The following PRKAG2 variants were observed in gnomAD, a reference collection of about 807,000 sequenced individuals.
PRKAG2 encodes protein kinase AMP-activated non-catalytic subunit gamma 2.
Under a neutral mutation model 69.6 loss-of-function variants are expected in PRKAG2, and 26 were observed. The observed-to-expected ratio is 0.37, with a 90% CI of 0.27 to 0.52. The LOEUF (loss-of-function observed/expected upper bound fraction) is 0.52, where lower values mean the gene tolerates loss of function less well. Ranked by LOEUF, PRKAG2 falls within the 20% of genes least tolerant of loss-of-function variation. The pLI is 0.90. For missense variants in PRKAG2, 557 were observed against 740.0 expected (o/e 0.75, Z 2.87); for synonymous variants, 293 against 285.0 (o/e 1.03, Z -0.28).
At chr7:151,561,391 CAG>C (rs1804911095) in intron 14 of PRKAG2, among the ~76,000 whole-genome samples, 1 of 152,176 alleles carries the variant, frequency 6.6e-6, no homozygotes, top group South Asian at 2.1e-4. Context: ...CAGATGATGA[CAG>C]AAACGAAGAA....
chr7:151,706,524 C>A (rs944251523), intron 3 of PRKAG2, among the ~76,000 whole-genome samples: 32 of 149,468 alleles, frequency 2.1e-4, no homozygotes, highest in African/African-American at 7.9e-4. Flanking sequence ...ACACCGAGAT[C>A]TCCCACCACG....
chr7:151,787,693 C>CAA (rs111605341), intron 1 of PRKAG2, among the ~76,000 whole-genome samples: 6 of 151,796 alleles, frequency 4.0e-5, no homozygotes, highest in African/African-American at 1.5e-4. Context: ...CCCTTCCCAC[C>CAA]AAAAAAAATC....
chr7:151,807,726 C>T lies in PRKAG2; in HGVS notation c.115-21185G>A. On this transcript the variant is annotated intron_variant, in intron 1 of 15. Transcript: ENST00000287878. The surrounding 1 kb of genome is among the most constrained non-coding windows in gnomAD (Gnocchi z 4.4). The stretch of plus-strand genomic sequence containing the variant: ...CCTCACTTGGGTCAAGGCAGCATTT[C>T]AGAGGAAGCCAGGAGCGAGAACTCG... The T allele has an allele frequency of 7.5e-6, 3 of 400,360 alleles. No homozygotes were observed. The highest frequency in any genetic ancestry group is 5.5e-5 in the South Asian group (3 of 55,018). 24.8% of individuals were successfully genotyped at this position (400,360 alleles called of 1,614,324 possible).
chr7:151,835,867 C>T lies in PRKAG2; in HGVS notation c.114+40640G>A, dbSNP rs1477138150. 2.0e-5 allele frequency among the ~76,000 whole-genome samples: 3 copies of T among 152,174 alleles called. No homozygotes were observed. The highest frequency in any genetic ancestry group is 4.4e-5 in the Non-Finnish European group (3 of 68,036). ...CTCACCGTGATGAAAGTGCATCTGTCCCACAAAGGGCAGCCTTTCCGTATT... is the reference window on the plus strand; with the variant it reads ...CTCACCGTGATGAAAGTGCATCTGTTCCACAAAGGGCAGCCTTTCCGTATT... On this transcript the variant is annotated intron_variant, in intron 1 of 15. Transcript: ENST00000287878. The surrounding 1 kb of genome is among the most constrained non-coding windows in gnomAD (Gnocchi z 4.1).
intron 3 of PRKAG2, among the ~76,000 whole-genome samples, chr7:151,759,264 C>T (rs2075280529): frequency 1.3e-5 from 2 of 152,194 alleles, no homozygotes; most frequent in Admixed American, 1.3e-4. Flanking sequence ...TCCCTGGCTC[C>T]ATCTCACCAC....
At chr7:151,665,635 G>A (rs1178926622) in intron 4 of PRKAG2, among the ~76,000 whole-genome samples, 1 of 152,114 alleles carries the variant, frequency 6.6e-6, no homozygotes, top group Non-Finnish European at 1.5e-5. Context: ...CCTACTCCTT[G>A]ACCCAATGTG....
intron 8 of PRKAG2, among the ~76,000 whole-genome samples, chr7:151,573,370 G>A (rs1470856661): frequency 1.1e-5 from 1 of 92,286 alleles, no homozygotes; most frequent in South Asian, 4.0e-4. Flanking sequence ...TTGTAGAGAT[G>A]GGGTTTCACC....
chr7:151,802,198 G>T (rs368288798), intron 1 of PRKAG2, among the ~76,000 whole-genome samples: 20 of 152,202 alleles, frequency 1.3e-4, no homozygotes, highest in Non-Finnish European at 2.5e-4. Flanking sequence ...TCCCCTTTGT[G>T]TAGTTTGTCC....
rs1056920070 is a variant in PRKAG2, at chr7:151,828,998, G to A, written c.115-42457C>T. On this transcript the variant is annotated intron_variant, in intron 1 of 15. Coordinates refer to ENST00000287878, the MANE Select transcript of PRKAG2 (RefSeq NM_016203.4). This position sits in a 1 kb window ranked among gnomAD's most constrained non-coding sequence, Gnocchi z 4.6. ...CAATGTGTTAGAAGGCTTCTTAAAT[G>A]GGATACCGAAAGCATAGGTAACAAA... Among the ~76,000 whole-genome samples, 3 of 152,176 alleles carry A rather than the reference G, an allele frequency of 2.0e-5. No homozygotes were observed. Among genetic ancestry groups the A allele is most frequent in the Non-Finnish European group, 4.4e-5 (3 of 68,034 alleles).
chr7:151,615,908 C>T (rs550054727), intron 5 of PRKAG2, among the ~76,000 whole-genome samples: 48 of 152,214 alleles, frequency 3.2e-4, no homozygotes, highest in Middle Eastern at 3.2e-3. Flanking sequence ...GGAACTCTGC[C>T]TGCTGCAAGC....
intron 5 of PRKAG2, among the ~76,000 whole-genome samples, chr7:151,597,822 C>CT (rs201835740): frequency 1.4e-5 from 2 of 141,814 alleles, no homozygotes; most frequent in Admixed American, 7.0e-5. Flanking sequence ...AAAAGGGAGC[C>CT]CCCCCCCCCG....
In PRKAG2 at chr7:151,719,842, C is replaced by T. The variant is rs779941508; in HGVS notation, c.467-44205G>A. 1.6e-4 allele frequency among the ~76,000 whole-genome samples: 25 copies of T among 152,310 alleles called. No homozygotes were observed. The highest frequency in any genetic ancestry group is 9.8e-4 in the Admixed American group (15 of 15,306). ...GCCTGTAAGTTGGGGCTCCAAGTAA[C>T]GCCTTCCCTGGCCCCTGTGCCTACT... On this transcript the variant is annotated intron_variant, in intron 3 of 15. Transcript: ENST00000287878. The surrounding 1 kb of genome is among the most constrained non-coding windows in gnomAD (Gnocchi z 5.2).
At chr7:151,725,733 TG>T (rs1310559601) in intron 3 of PRKAG2, among the ~76,000 whole-genome samples, 3 of 152,094 alleles carry the variant, frequency 2.0e-5, no homozygotes, top group Non-Finnish European at 4.4e-5. Context: ...ACTTGAAGTG[TG>T]GGGAAGACCT....
At chr7:151,711,524 T>C (rs1354504459) in intron 3 of PRKAG2, among the ~76,000 whole-genome samples, 2 of 152,242 alleles carry the variant, frequency 1.3e-5, no homozygotes, top group Non-Finnish European at 2.9e-5. Flanking sequence ...CTAAGCACTT[T>C]AGTGTATGCA....
intron 5 of PRKAG2, among the ~76,000 whole-genome samples, chr7:151,622,835 G>A (rs936680502): frequency 6.6e-6 from 1 of 152,096 alleles, no homozygotes; most frequent in East Asian, 1.9e-4. Context: ...ATTTTTGCTC[G>A]GTTTCTTCTT....
At chr7:151,870,143 A>AGATAGAT (rs1252932108) in intron 1 of PRKAG2, among the ~76,000 whole-genome samples, 1 of 132,348 alleles carries the variant, frequency 7.6e-6, no homozygotes, top group African/African-American at 2.7e-5. Flanking sequence ...ATAGATAGAT[A>AGATAGAT]GATAGATAGA....
At chr7:151,712,126 G>A (rs1054753774) in intron 3 of PRKAG2, among the ~76,000 whole-genome samples, 1 of 152,242 alleles carries the variant, frequency 6.6e-6, no homozygotes, top group Admixed American at 6.5e-5. Flanking sequence ...CGGCGCGTAC[G>A]TGCATCACGT....
chr7:151,576,518 T>C (rs1286305515), intron 6 of PRKAG2, 66 bp from the exon 7 acceptor site: 4 of 1,356,332 alleles, frequency 2.9e-6, no homozygotes, highest in Middle Eastern at 1.8e-4. Context: ...CTTTTTTTTT[T>C]GAGACAAGGT....
chr7:151,835,014 T>A lies in PRKAG2; in HGVS notation c.114+41493A>T, dbSNP rs2079116184. Among the ~76,000 whole-genome samples, 1 of 152,146 alleles carries A rather than the reference T, an allele frequency of 6.6e-6. No homozygotes were observed. Among genetic ancestry groups the A allele is most frequent in the African/African-American group, 2.4e-5 (1 of 41,428 alleles). On this transcript the variant is annotated intron_variant, in intron 1 of 15. Transcript: ENST00000287878. This position sits in a 1 kb window ranked among gnomAD's most constrained non-coding sequence, Gnocchi z 4.1. ...AGAGGTCTCTCCGGGCATATCTGTG[T>A]CCAGAATCCCCCTCATACGCAGATG...
Sources: gnomAD v4.1 joint callset for allele counts (sites outside exome capture counted in the v4.1 genomes callset) on GRCh38, gnomAD v4.1.1 for gene constraint, Gnocchi (gnomAD v3.1) non-coding constraint, MANE v1.5 for transcripts, NCBI Gene and HGNC (gene_info 2026-07-23, HGNC 2026-07-21) for gene names.